The following DDX50 variants were observed in gnomAD, a reference collection of about 807,000 sequenced individuals.
DDX50 encodes the protein DExD-box helicase 50.
DDX50 carries 56 observed loss-of-function variants against 94.8 expected under a neutral mutation model. That is an observed-to-expected ratio of 0.59 (90% confidence interval 0.48 to 0.74). The LOEUF is 0.74. Ranked by LOEUF, DDX50 falls within the 30% of genes least tolerant of loss-of-function variation. The probability of loss-of-function intolerance (pLI) is 0.00; values close to 1 mark genes in which losing one functional copy is unlikely to be tolerated. For missense variants in DDX50, 713 were observed against 881.2 expected (o/e 0.81, Z 2.42); for synonymous variants, 264 against 295.4 (o/e 0.89, Z 1.09).
chr10:68,906,503 C>G (rs1841448318), intron 1 of DDX50, among the ~76,000 whole-genome samples: 1 of 150,668 alleles, frequency 6.6e-6, no homozygotes, highest in African/African-American at 2.5e-5. Flanking sequence ...GAGGCTGAGT[C>G]TTGAGAATGC....
At chr10:68,945,309 A>AT (rs11365482) in intron 14 of DDX50, among the ~76,000 whole-genome samples, 3,101 of 148,232 alleles carry the variant, frequency 0.021, 53 homozygotes, top group Non-Finnish European at 0.027. Flanking sequence ...TAATAACAAC[A>AT]TTTTTTTTTT....
intron 14 of DDX50, among the ~76,000 whole-genome samples, chr10:68,944,508 A>G (rs1033945849): frequency 1.3e-5 from 2 of 152,164 alleles, no homozygotes; most frequent in African/African-American, 4.8e-5. Context: ...TTTTGTGTCA[A>G]TAACACAGTT....
intron 8 of DDX50, 44 bp downstream of exon 8, chr10:68,920,025 T>C: frequency 6.2e-7 from 1 of 1,607,496 alleles, no homozygotes; most frequent in Non-Finnish European, 8.5e-7. Context: ...ATTATGGGGA[T>C]GAATCACTGA....
intron 7 of DDX50, among the ~76,000 whole-genome samples, chr10:68,916,546 C>T (rs1044571715): frequency 6.6e-6 from 1 of 151,988 alleles, no homozygotes; most frequent in Non-Finnish European, 1.5e-5. Context: ...TACCTATTAC[C>T]AGTCTTTAAC....
intron 8 of DDX50, among the ~76,000 whole-genome samples, chr10:68,921,734 C>T (rs563001049): frequency 6.6e-6 from 1 of 152,228 alleles, no homozygotes; most frequent in South Asian, 2.1e-4. Flanking sequence ...GTCTTTATAC[C>T]TCAAAATTAT....
intron 13 of DDX50, among the ~76,000 whole-genome samples, chr10:68,941,547 T>TC (rs1842553740): frequency 6.6e-6 from 1 of 152,204 alleles, no homozygotes; most frequent in African/African-American, 2.4e-5. Context: ...GGTCTTGAAC[T>TC]CTGGGGCTCA....
Position 68,901,332 on chromosome 10 carries a change from G to C in DDX50, c.-53G>C, listed in dbSNP as rs894832822. On this transcript the variant is annotated 5_prime_UTR_variant, in exon 1 of 15. Coordinates refer to ENST00000373585, the MANE Select transcript of DDX50 (RefSeq NM_024045.2). Reference sequence around the variant, plus strand: ...CCCCGCTTCCTTTCACGCTGTCGCTGCCCGTAGGTGGTTGTGGCCACTGTG... The same window carrying C: ...CCCCGCTTCCTTTCACGCTGTCGCTCCCCGTAGGTGGTTGTGGCCACTGTG... 8.8e-6 allele frequency: 13 copies of C among 1,475,514 alleles called. No individual in the cohort carries two copies. The African/African-American group carries it at 1.7e-4, about 19-fold the overall frequency. The allele number at this position is 1,475,514 out of a possible 1,614,324, so 91.4% of individuals were successfully genotyped here.
chr10:68,908,797 A>G (rs554794193), intron 2 of DDX50, among the ~76,000 whole-genome samples: 2 of 152,044 alleles, frequency 1.3e-5, no homozygotes, highest in African/African-American at 4.8e-5. Context: ...GTGTAGCACC[A>G]TGCCTGGCTA....
At chr10:68,945,576 G>A (rs1842652994) in intron 14 of DDX50, among the ~76,000 whole-genome samples, 1 of 152,052 alleles carries the variant, frequency 6.6e-6, no homozygotes, top group Non-Finnish European at 1.5e-5. Context: ...CAAAGTGCTG[G>A]GATTACAGAC....
At chr10:68,935,968 A>G in intron 10 of DDX50, 38 bp from the exon 11 acceptor site, 1 of 1,372,478 alleles carries the variant, frequency 7.3e-7, no homozygotes, top group Non-Finnish European at 1.0e-6. Context: ...AATTGTAAAG[A>G]CTTCCATTTT....
chr10:68,903,978 A>G (rs1010281699), intron 1 of DDX50, among the ~76,000 whole-genome samples: 23 of 129,212 alleles, frequency 1.8e-4, no homozygotes, highest in Non-Finnish European at 3.6e-4. Flanking sequence ...TCCGTCTCAG[A>G]AAAAAAAAAA....
At chr10:68,940,139 A>G (rs1011803753) in intron 12 of DDX50, among the ~76,000 whole-genome samples, 6 of 152,094 alleles carry the variant, frequency 3.9e-5, no homozygotes, top group African/African-American at 1.2e-4. Context: ...CTGTAATCCT[A>G]GCACTTTGGG....
intron 8 of DDX50, 124 bp downstream of exon 8, chr10:68,920,105 C>T: frequency 8.7e-7 from 1 of 1,148,384 alleles, no homozygotes; most frequent in Middle Eastern, 2.0e-4. Flanking sequence ...TAAGGCTGGG[C>T]ATGGTGGCCC....
chr10:68,939,357 T>C (rs1842500594), intron 12 of DDX50, among the ~76,000 whole-genome samples: 1 of 152,218 alleles, frequency 6.6e-6, no homozygotes, highest in African/African-American at 2.4e-5. Context: ...GTCTCAACTC[T>C]CATCCAATGA....
chr10:68,913,726 G>A, intron 6 of DDX50, 150 bp downstream of exon 6: 1 of 731,034 alleles, frequency 1.4e-6, no homozygotes, highest in Non-Finnish European at 2.1e-6. Context: ...GAAAAAGAAA[G>A]TATGATAGCA....
At position 68,928,736 on chromosome 10, in the gene DDX50, T is replaced by G. The variant is rs1426862468; in HGVS notation, c.1240-5463T>G. Among the ~76,000 whole-genome samples, 3 of 152,180 alleles carry G rather than the reference T, an allele frequency of 2.0e-5. No individual in the cohort carries two copies. The East Asian group carries it at 5.8e-4, about 29-fold the overall frequency. The stretch of plus-strand genomic sequence containing the variant: ...TACTAGCCACAGACACACCAACCTT[T>G]ATGTTCCTAAACCTAAATTAATTAA... On this transcript the variant is annotated intron_variant, in intron 8 of 14. Transcript: ENST00000373585.
chr10:68,925,399 C>T (rs1481394354), intron 8 of DDX50, among the ~76,000 whole-genome samples: 3 of 152,034 alleles, frequency 2.0e-5, no homozygotes, highest in South Asian at 2.1e-4. Flanking sequence ...CATGAGCCAC[C>T]GCGCCCAGCC....
At chr10:68,908,239 TC>T (rs998428810) in intron 2 of DDX50, among the ~76,000 whole-genome samples, 70 of 151,894 alleles carry the variant, frequency 4.6e-4, no homozygotes, top group African/African-American at 1.5e-3. Flanking sequence ...TCACCTGAGA[TC>T]AGGAGTTCCA....
chr10:68,918,520 T>C (rs12779729), intron 7 of DDX50, among the ~76,000 whole-genome samples: 140,287 of 149,546 alleles, frequency 0.94, 65,849 homozygotes, highest in East Asian at 0.99. Context: ...ACTGCAACCT[T>C]CACCTCCCGG....
Sources: gnomAD v4.1 joint callset for allele counts (sites outside exome capture counted in the v4.1 genomes callset) on GRCh38, gnomAD v4.1.1 for gene constraint, MANE v1.5 for transcripts, NCBI Gene and HGNC (gene_info 2026-07-23, HGNC 2026-07-21) for gene names.